SNED1: variants seen among roughly 807,000 people sequenced by gnomAD.
SNED1 encodes the protein sushi, nidogen and EGF-like domain-containing protein 1.
In SNED1, 81 loss-of-function variants were observed where a neutral mutation model predicts 166.7. The observed-to-expected ratio is 0.49, with a 90% CI of 0.41 to 0.58. The LOEUF is 0.58. Among genes scored for constraint, SNED1 ranks in the 20% least tolerant of loss-of-function variants. The pLI is 0.00. For synonymous variants in SNED1, 762 were observed against 822.0 expected, an observed-to-expected ratio of 0.93 and a Z score of 1.25; for missense variants, 1,604 against 2,000.2, an observed-to-expected ratio of 0.80 and a Z score of 3.78.
At chr2:241,082,403 G>A (rs774709391) in intron 29 of SNED1, 39 bp downstream of exon 29, 65 of 1,521,866 alleles carry the variant, frequency 4.3e-5, no homozygotes, top group Middle Eastern at 1.7e-4. Flanking sequence ...CGCATTTGTC[G>A]TGTGTTCTTG....
rs949034553 is a variant in SNED1, at chr2:240,998,837, G to C, written c.-1G>C. 55 of 1,199,740 alleles carry C rather than the reference G, an allele frequency of 4.6e-5. No individual in the cohort carries two copies. In the African/African-American group the frequency reaches 8.4e-4, roughly 18 times the overall value. The allele number at this position is 1,199,740 out of a possible 1,614,324, so 74.3% of individuals were successfully genotyped here. The stretch of plus-strand genomic sequence containing the variant: ...CCCCGTCCCGCCCGCACACCTCCGC[G>C]ATGCGGCACGGCGTCGCCTGGGCGC... On this transcript the variant is annotated 5_prime_UTR_variant, in exon 1 of 32. Transcript: ENST00000310397.
At chr2:241,042,492 C>T (rs1325047525) in intron 8 of SNED1, among the ~76,000 whole-genome samples, 1 of 152,118 alleles carries the variant, frequency 6.6e-6, no homozygotes, top group Non-Finnish European at 1.5e-5. Flanking sequence ...CCAAAATACC[C>T]AGTCAAAAAT....
At chr2:241,033,488 G>C (rs977118535) in intron 2 of SNED1, 1 of 482,154 alleles carries the variant, frequency 2.1e-6, no homozygotes, top group African/African-American at 2.0e-5. Flanking sequence ...CCCACCCCAG[G>C]TGTTTCACTC....
In SNED1 at chr2:241,094,727, GAT is replaced by G; in HGVS notation, c.*3092_*3093del. ...TGTGGGACCATCCTGTGCACTGCAGGATGTTTCACAGCACCCCTGGCCTCTAC... is the reference window on the plus strand; with the variant it reads ...TGTGGGACCATCCTGTGCACTGCAGGGTTTCACAGCACCCCTGGCCTCTAC... On this transcript the variant is annotated 3_prime_UTR_variant, in exon 32 of 32. Coordinates refer to ENST00000310397, the MANE Select transcript of SNED1 (RefSeq NM_001080437.3). This position sits in a 1 kb window ranked among gnomAD's most constrained non-coding sequence, Gnocchi z 4.3. 4.6e-6 allele frequency: 1 copy of G among 218,482 alleles called. No individual in the cohort carries two copies. The highest frequency in any genetic ancestry group is 9.4e-6 in the Non-Finnish European group (1 of 106,712). The allele number at this position is 218,482 out of a possible 1,614,324, so 13.5% of individuals were successfully genotyped here.
At chr2:241,014,628 C>T (rs996756343) in intron 1 of SNED1, among the ~76,000 whole-genome samples, 3 of 152,162 alleles carry the variant, frequency 2.0e-5, no homozygotes, top group Admixed American at 6.5e-5. Context: ...CTCGCCGATT[C>T]GTGGGGGTTC....
rs952025898 is a variant in SNED1 at position 240,998,893 on chromosome 2, CGCGCGGGGT to C, written c.63_71del (p.Val22_Gly24del). 3 of 1,225,714 alleles carry C rather than the reference CGCGCGGGGT, an allele frequency of 2.4e-6. No homozygotes were observed. The highest frequency in any genetic ancestry group is 3.0e-6 in the Non-Finnish European group (3 of 984,060). 75.9% of individuals were successfully genotyped at this position (1,225,714 alleles called of 1,614,324 possible). On this transcript the variant is annotated inframe_deletion, in exon 1 of 32. Coordinates refer to ENST00000310397, the MANE Select transcript of SNED1 (RefSeq NM_001080437.3). ...GTGGCCGCGGCCCTGGGGCTTGGGG[CGCGCGGGGT>C]GCGCGGCGCGGTGGCCCTTGCCGAC...
chr2:241,028,977 T>A (rs1354541481), intron 1 of SNED1, among the ~76,000 whole-genome samples: 1 of 152,232 alleles, frequency 6.6e-6, no homozygotes, highest in Non-Finnish European at 1.5e-5. Flanking sequence ...GATGCCATCT[T>A]CCTCCAGAGA....
chr2:241,082,438 C>A, intron 29 of SNED1, 74 bp downstream of exon 29: 1 of 1,159,176 alleles, frequency 8.6e-7, no homozygotes, highest in Non-Finnish European at 1.3e-6. Flanking sequence ...TGTCTCAAAG[C>A]TACCCAGCTA....
In SNED1 at chr2:240,998,875, C is replaced by T. The variant is rs886662753; in HGVS notation, c.38C>T (p.Ala13Val). Residue 13 changes from alanine (A) to valine (V), a missense_variant, in exon 1 of 32, where the codon GCG (alanine) becomes GTG (valine). Transcript: ENST00000310397. The stretch of plus-strand genomic sequence containing the variant: ...GTCGCCTGGGCGCTGCTGGTGGCCG[C>T]GGCCCTGGGGCTTGGGGCGCGCGGG... ...HGVAWALLVA[A>V]ALGLGARGVR... 5.8e-6 allele frequency: 7 copies of T among 1,213,136 alleles called. No homozygotes were observed. The highest frequency in any genetic ancestry group is 7.2e-6 in the Non-Finnish European group (7 of 978,430). The allele number at this position is 1,213,136 out of a possible 1,614,324, so 75.1% of individuals were successfully genotyped here.
At chr2:241,037,483 C>T in intron 6 of SNED1, 130 bp downstream of exon 6, 2 of 663,568 alleles carry the variant, frequency 3.0e-6, no homozygotes, top group South Asian at 3.7e-5. Context: ...CCCAGAGAAG[C>T]CACCCTCGAG....
chr2:241,037,084 C>A (rs1440208427), intron 5 of SNED1, 156 bp from the exon 6 acceptor site: 3 of 1,019,424 alleles, frequency 2.9e-6, no homozygotes, highest in Admixed American at 2.3e-5. Context: ...AGGCCATGGC[C>A]CCCTGGAGTG....
rs1456544971 is a variant in SNED1, at chr2:241,087,735, A to G, written c.4205+260A>G. 4.6e-6 allele frequency: 6 copies of G among 1,294,850 alleles called. No individual in the cohort carries two copies. The South Asian group carries it at 1.5e-4, about 32-fold the overall frequency. The allele number at this position is 1,294,850 out of a possible 1,614,324, so 80.2% of individuals were successfully genotyped here. A position where few individuals can be genotyped will look rare whatever the true frequency, so the allele number is the denominator to read the frequency against. On this transcript the variant is annotated intron_variant, in intron 30 of 31. Transcript: ENST00000310397. Reference sequence around the variant, plus strand: ...CTCTGGTTATGCATATTCACACAGAACATGGTGCTACAATTGGGAAGCACA... The same window carrying G: ...CTCTGGTTATGCATATTCACACAGAGCATGGTGCTACAATTGGGAAGCACA...
rs992878214 is a variant in SNED1, at chr2:241,012,839, T to G, written c.213+13789T>G. Among the ~76,000 whole-genome samples the G allele has an allele frequency of 1.8e-4, 27 of 149,540 alleles. No individual in the cohort carries two copies. The East Asian group carries it at 1.9e-3, about 11-fold the overall frequency. On this transcript the variant is annotated intron_variant, in intron 1 of 31. Transcript: ENST00000310397. ...GTTTTTTTTTTCTTTTTTTTTTTTTTTTGTTGTTGTTTTTGAGATGGAGTC... is the reference window on the plus strand; with the variant it reads ...GTTTTTTTTTTCTTTTTTTTTTTTTGTTGTTGTTGTTTTTGAGATGGAGTC...
chr2:241,071,712 GCCCCCCAGGTACAT>G lies in SNED1; in HGVS notation c.3727_3734+6del. ...ACAGCGCCCCCGAGACCCCCACCCA[GCCCCCCAGGTACAT>G]GCCCCACCCATCGGCCCCATCGCCC... On this transcript the variant is annotated splice_donor_variant and splice_donor_5th_base_variant and coding_sequence_variant and intron_variant, in exon 25 of 32. Transcript: ENST00000310397. LOFTEE classifies it high-confidence loss of function. The G allele has an allele frequency of 4.4e-6, 4 of 903,694 alleles. No individual in the cohort carries two copies. The highest frequency in any genetic ancestry group is 6.3e-6 in the Non-Finnish European group (4 of 637,126). The allele number at this position is 903,694 out of a possible 1,614,324, so 56.0% of individuals were successfully genotyped here.
At chr2:241,078,682 TC>T (rs1483388655) in intron 27 of SNED1, among the ~76,000 whole-genome samples, 1 of 151,870 alleles carries the variant, frequency 6.6e-6, no homozygotes, top group Non-Finnish European at 1.5e-5. Flanking sequence ...GTACAAGGTT[TC>T]TTTCTGAGGT....
At chr2:241,077,843 G>A (rs142394979) in intron 27 of SNED1, among the ~76,000 whole-genome samples, 184 of 152,310 alleles carry the variant, frequency 1.2e-3, no homozygotes, top group African/African-American at 4.1e-3. Context: ...TGGTGAGGAC[G>A]TGGAGAGATC....
chr2:241,069,014 G>A lies in SNED1; in HGVS notation c.3298G>A (p.Val1100Met), dbSNP rs185474591. Residue 1100 changes from valine to methionine, a missense_variant, in exon 23 of 32, where the codon GTG becomes ATG. Transcript: ENST00000310397. The surrounding 1 kb of genome is among the most constrained non-coding windows in gnomAD (Gnocchi z 4.9). ...GAGCCTGGCCACCGCGCCGACGCACGTGTGGACCCGTGAGTAGAGCAGCGC... is the reference window on the plus strand; with the variant it reads ...GAGCCTGGCCACCGCGCCGACGCACATGTGGACCCGTGAGTAGAGCAGCGC... ...TESLATAPTH[V>M]WTRPLPPANL... 82 of 1,550,006 alleles carry A rather than the reference G, an allele frequency of 5.3e-5. No individual in the cohort carries two copies. The highest frequency in any genetic ancestry group is 5.9e-5 in the Non-Finnish European group (68 of 1,146,480).
At chr2:241,089,646 A>T (rs1034565054) in intron 31 of SNED1, among the ~76,000 whole-genome samples, 1 of 152,122 alleles carries the variant, frequency 6.6e-6, no homozygotes, top group African/African-American at 2.4e-5. Context: ...TCCCGCTCCC[A>T]CCTCACCCTC....
intron 16 of SNED1, among the ~76,000 whole-genome samples, chr2:241,060,011 A>G (rs894181179): frequency 4.6e-5 from 7 of 152,232 alleles, no homozygotes; most frequent in South Asian, 2.1e-4. Flanking sequence ...AAAAGAAGCT[A>G]TAGAACTAAC....
Sources: gnomAD v4.1 joint callset for allele counts (sites outside exome capture counted in the v4.1 genomes callset) on GRCh38, gnomAD v4.1.1 for gene constraint, Gnocchi (gnomAD v3.1) non-coding constraint, MANE v1.5 for transcripts, NCBI Gene and HGNC (gene_info 2026-07-23, HGNC 2026-07-21) for gene names.